SLC2A6: variants seen among roughly 807,000 people sequenced by gnomAD.
SLC2A6 encodes the protein solute carrier family 2, facilitated glucose transporter member 6.
SLC2A6 carries 39 observed loss-of-function variants against 47.8 expected under a neutral mutation model. That is an observed-to-expected ratio of 0.82 (90% CI 0.63 to 1.07). SLC2A6 has a LOEUF of 1.07. Among genes scored for constraint, SLC2A6 ranks in the 50% least tolerant of loss-of-function variants. The probability of loss-of-function intolerance (pLI) is 0.00; values close to 1 mark genes in which losing one functional copy is unlikely to be tolerated. For missense variants in SLC2A6, 650 were observed against 707.6 expected, an observed-to-expected ratio of 0.92 and a Z score of 0.92; for synonymous variants, 346 against 324.1, an observed-to-expected ratio of 1.07 and a Z score of -0.73.
intron 1 of SLC2A6, chr9:133,478,688 G>C: frequency 1.7e-6 from 1 of 590,868 alleles, no homozygotes; most frequent in African/African-American, 1.9e-5. Context: ...GCGGCTGGAG[G>C]CTTGCTGTGT....
chr9:133,473,569 C>G lies in SLC2A6; in HGVS notation c.1068G>C (p.Leu356=). The G allele has an allele frequency of 6.4e-7, 1 of 1,552,232 alleles. No individual in the cohort carries two copies. Among genetic ancestry groups the G allele is most frequent in the Non-Finnish European group, 8.7e-7 (1 of 1,149,032 alleles). ...AAIMFAANLT[L]GLYIHFGPRP... ...TGGGGCCAAAGTGGATGTACAGCCC[C>G]AGAGTCAGGTTGGCAGCAAACATGA... The change falls in exon 8 of 10, where the codon CTG becomes CTC. Residue 356 remains leucine (L), a synonymous_variant. Transcript: ENST00000371899.
At chr9:133,474,928 G>A (rs782247260) in intron 6 of SLC2A6, 33 bp downstream of exon 6, 283 of 1,479,998 alleles carry the variant, frequency 1.9e-4, no homozygotes, top group Non-Finnish European at 2.4e-4. Context: ...AGGGGACCCC[G>A]TGGGTGGGCG....
chr9:133,478,606 C>G, intron 1 of SLC2A6, 190 bp from the exon 2 acceptor site: 1 of 642,478 alleles, frequency 1.6e-6, no homozygotes, highest in Non-Finnish European at 2.7e-6. Flanking sequence ...GTTAGCTCAT[C>G]CGCAGTGGCT....
intron 3 of SLC2A6, chr9:133,476,537 A>G: frequency 1.7e-6 from 1 of 598,150 alleles, no homozygotes; most frequent in South Asian, 2.0e-5. Context: ...CCTAACTGTG[A>G]CGTGGGTGGA....
At chr9:133,473,875 C>A in intron 7 of SLC2A6, 105 bp downstream of exon 7, 1 of 946,234 alleles carries the variant, frequency 1.1e-6, no homozygotes, top group East Asian at 2.7e-5. Context: ...AGGTGCTCTG[C>A]AGTTCCCAGC....
Position 133,474,966 on chromosome 9 carries a change from G to A in SLC2A6, c.922C>T (p.Leu308=). Residue 308 remains leucine (L), a synonymous_variant, in exon 6 of 10, where the codon CTG becomes TTG. Coordinates refer to ENST00000371899, the MANE Select transcript of SLC2A6 (RefSeq NM_017585.4). ...GGCCGGGGCTGGGCTCTCACCAGCA[G>A]GACAGCGGTGCTGTCGAAGATGGAC... ...LQSIFDSTAV[L]LPPKDDAAIV... 6.4e-7 allele frequency: 1 copy of A among 1,561,192 alleles called. No homozygotes were observed. Among genetic ancestry groups the A allele is most frequent in the Non-Finnish European group, 8.7e-7 (1 of 1,153,896 alleles).
In SLC2A6 at chr9:133,479,014, A is replaced by G; in HGVS notation, c.46T>C (p.Phe16Leu). The G allele has an allele frequency of 6.3e-7, 1 of 1,598,484 alleles. No homozygotes were observed. ...GGCGACGGGGGCGGCTTCTCGGGGA[A>G]GGTGTCGTAGTCCGGGCCCTCGGCT... is the stretch of plus-strand genomic sequence containing the variant. ...LGAEGPDYDT[F>L]PEKPPPSPGD... Residue 16 changes from phenylalanine to leucine, a missense_variant, in exon 1 of 10, where the codon TTC (phenylalanine) becomes CTC (leucine). Transcript: ENST00000371899.
chr9:133,477,063 G>A lies in SLC2A6; in HGVS notation c.434C>T (p.Ala145Val). Residue 145 changes from alanine (A) to valine (V), a missense_variant, in exon 3 of 10, where the codon GCC (alanine) becomes GTC (valine). By Grantham distance (64) the Ala-to-Val change is moderately conservative (BLOSUM62 0). Coordinates refer to ENST00000371899, the MANE Select transcript of SLC2A6 (RefSeq NM_017585.4). ...GATGCAGGCAGCTGTGAGCCCCCCG[G>A]CGAAGCCCGTCAGCGTCCTTCCGAG... Reference protein sequence around the residue: ...LLLGRTLTGFAGGLTAACIPV... With the variant: ...LLLGRTLTGFVGGLTAACIPV... 1 of 1,546,646 alleles carries A rather than the reference G, an allele frequency of 6.5e-7. No individual in the cohort carries two copies. The highest frequency in any genetic ancestry group is 8.7e-7 in the Non-Finnish European group (1 of 1,146,260).
At position 133,474,038 on chromosome 9, in the gene SLC2A6, C is replaced by A. The variant is rs782717245; in HGVS notation, c.978G>T (p.Val326=). 3.1e-6 allele frequency: 5 copies of A among 1,610,828 alleles called. No individual in the cohort carries two copies. In the East Asian group the frequency reaches 1.1e-4, roughly 36 times the overall value. ...AIVGAVRLLS[V]LIAALTMDLA... ...GGTCCATGGTGAGGGCGGCGATCAG[C>A]ACGGACAGGAGCCGCACGGCCCCAA... Residue 326 remains valine, a synonymous_variant, in exon 7 of 10, where the codon GTG becomes GTT. Transcript: ENST00000371899.
chr9:133,474,019 T>C lies in SLC2A6; in HGVS notation c.997A>G (p.Met333Val), dbSNP rs782278263. 3.1e-6 allele frequency: 5 copies of C among 1,610,948 alleles called. No homozygotes were observed. Among genetic ancestry groups the C allele is most frequent in the Admixed American group, 1.7e-5 (1 of 59,904 alleles). The change falls in exon 7 of 10, where the codon ATG becomes GTG. Residue 333 changes from methionine (M) to valine (V), a missense_variant. Transcript: ENST00000371899. ...AGCACCTTGCGGCCTGCGAGGTCCA[T>C]GGTGAGGGCGGCGATCAGCACGGAC... ...LLSVLIAALTMDLAGRKVLLF... is the reference protein window; with the variant it reads ...LLSVLIAALTVDLAGRKVLLF...
chr9:133,474,829 C>T, intron 6 of SLC2A6, 132 bp downstream of exon 6: 1 of 901,494 alleles, frequency 1.1e-6, no homozygotes, highest in Non-Finnish European at 1.5e-6. Context: ...TGTGGCATCC[C>T]TGACACCTGG....
rs1843727290 is a variant in SLC2A6 at position 133,471,835 on chromosome 9, C to T, written c.*186G>A. The T allele has an allele frequency of 1.6e-6, 1 of 641,188 alleles. No homozygotes were observed. Among genetic ancestry groups the T allele is most frequent in the Non-Finnish European group, 2.6e-6 (1 of 378,072 alleles). 39.7% of individuals were successfully genotyped at this position (641,188 alleles called of 1,614,324 possible). On this transcript the variant is annotated 3_prime_UTR_variant, in exon 10 of 10. Transcript: ENST00000371899. Reference sequence around the variant, plus strand: ...TGGGCTGCCTGGGCTGGGGCTGTGGCTGGACAGCAGTGCTACCTGTCCCGA... The same window carrying T: ...TGGGCTGCCTGGGCTGGGGCTGTGGTTGGACAGCAGTGCTACCTGTCCCGA...
chr9:133,473,330 A>AC (rs1183717279), intron 8 of SLC2A6, 80 bp from the exon 9 acceptor site: 23 of 1,536,484 alleles, frequency 1.5e-5, no homozygotes, highest in African/African-American at 8.3e-5. Flanking sequence ...GCTGCTGGAG[A>AC]CCCCCCTCTC....
chr9:133,472,996 T>A, intron 9 of SLC2A6, 109 bp downstream of exon 9: 1 of 1,234,194 alleles, frequency 8.1e-7, no homozygotes, highest in Non-Finnish European at 1.1e-6. Context: ...CTAGGGTCAC[T>A]GAGAGTTAGG....
chr9:133,473,355 A>C, intron 8 of SLC2A6, 60 bp downstream of exon 8: 1 of 1,542,018 alleles, frequency 6.5e-7, no homozygotes, highest in Non-Finnish European at 8.7e-7. Context: ...CACCCCAGAC[A>C]CATCACCCAT....
In SLC2A6 at chr9:133,472,085, T is replaced by C. The variant is rs1415867828; in HGVS notation, c.1460A>G (p.Lys487Arg). 1.9e-6 allele frequency: 3 copies of C among 1,613,408 alleles called. No individual in the cohort carries two copies. Among genetic ancestry groups the C allele is most frequent in the East Asian group, 4.5e-5 (2 of 44,860 alleles). ...CTCGATCTGCTCCAGGGACCGTCCC[T>C]TGGTCTCGGGCACACAGCAGCCTGT... ...VFTGCCVPET[K>R]GRSLEQIESF... is the part of the protein sequence containing the mutation. Residue 487 changes from lysine to arginine, a missense_variant, in exon 10 of 10, where the codon AAG (lysine) becomes AGG (arginine). Coordinates refer to ENST00000371899, the MANE Select transcript of SLC2A6 (RefSeq NM_017585.4).
chr9:133,477,035 C>G lies in SLC2A6; in HGVS notation c.462G>C (p.Pro154=). 1 of 1,547,352 alleles carries G rather than the reference C, an allele frequency of 6.5e-7. No individual in the cohort carries two copies. The highest frequency in any genetic ancestry group is 8.7e-7 in the Non-Finnish European group (1 of 1,146,472). Residue 154 remains proline (P), a splice_region_variant and synonymous_variant, in exon 3 of 10, where the codon CCG becomes CCC. Transcript: ENST00000371899. ...CCTGGGTGGGAAGGCCTGGCCTTACCGGGATGCAGGCAGCTGTGAGCCCCC... is the reference window on the plus strand; with the variant it reads ...CCTGGGTGGGAAGGCCTGGCCTTACGGGGATGCAGGCAGCTGTGAGCCCCC... ...FAGGLTAACI[P]VYVSEIAPPG... is the part of the protein sequence containing the mutation.
Position 133,473,415 on chromosome 9 carries a change from C to A in SLC2A6, c.1222G>T (p.Gly408Cys). Reference sequence around the variant, plus strand: ...CCCTCTGAGCCACCACCACACCTACCCATGATGAAGAGCATGGTGGCCAGC... The same window carrying A: ...CCCTCTGAGCCACCACCACACCTACACATGATGAAGAGCATGGTGGCCAGC... Reference protein sequence around the residue: ...PLLATMLFIMGYAVGWGPITW... With the variant: ...PLLATMLFIMCYAVGWGPITW... The change falls in exon 8 of 10, where the codon GGC becomes TGC. Residue 408 changes from glycine to cysteine, a missense_variant and splice_region_variant. Transcript: ENST00000371899. 1 of 1,597,918 alleles carries A rather than the reference C, an allele frequency of 6.3e-7. No homozygotes were observed. Among genetic ancestry groups the A allele is most frequent in the Admixed American group, 1.7e-5 (1 of 58,654 alleles).
In SLC2A6 at chr9:133,472,126, C is replaced by T; in HGVS notation, c.1419G>A (p.Leu473=). The T allele has an allele frequency of 6.2e-7, 1 of 1,613,424 alleles. No individual in the cohort carries two copies. Among genetic ancestry groups the T allele is most frequent in the Non-Finnish European group, 8.5e-7 (1 of 1,179,922 alleles). ...AGCAGCCTGTGAACACCAGGCTCACCAAGCAGATGGCCGCGAAGAAGAAGA... is the reference window on the plus strand; with the variant it reads ...AGCAGCCTGTGAACACCAGGCTCACTAAGCAGATGGCCGCGAAGAAGAAGA... ...VPFFFFAAIC[L]VSLVFTGCCV... Residue 473 remains leucine (L), a synonymous_variant, in exon 10 of 10, where the codon TTG becomes TTA. Transcript: ENST00000371899.
Sources: allele counts gnomAD v4.1 joint callset, GRCh38; gene constraint gnomAD v4.1.1; transcripts MANE v1.5; gene names NCBI Gene and HGNC (gene_info 2026-07-23, HGNC 2026-07-21).